ROBO2: variants seen among roughly 807,000 people sequenced by gnomAD.
ROBO2 encodes roundabout homolog 2.
In ROBO2, 53 loss-of-function variants were observed where a neutral mutation model predicts 160.8. The ratio of observed to expected loss-of-function variants is 0.33; its 90% CI spans 0.26 to 0.41. ROBO2 has a LOEUF of 0.41. ROBO2 is among the 10% of genes least tolerant of loss of function. The pLI, the probability that ROBO2 is intolerant of heterozygous loss-of-function variation, is 1.00. For missense variants in ROBO2, 1,577 were observed against 1,722.4 expected, an observed-to-expected ratio of 0.92 and a Z score of 1.49; for synonymous variants, 664 against 611.7, an observed-to-expected ratio of 1.09 and a Z score of -1.26.
intron 2 of ROBO2, among the ~76,000 whole-genome samples, chr3:76,870,519 A>G (rs1356342707): frequency 6.6e-6 from 1 of 152,232 alleles, no homozygotes. Flanking sequence ...TGTGAGGATT[A>G]TCTCTGGCTA....
rs139842195 is a variant in ROBO2 at position 77,412,461 on chromosome 3, G to A, written c.389-64953G>A. 2.0e-4 allele frequency among the ~76,000 whole-genome samples: 31 copies of A among 152,346 alleles called. 2 individuals are homozygous for A. In the East Asian group the frequency reaches 5.8e-3, roughly 28 times the overall value. ...AAAAGAAAGACTCTAGAGCCCCTCT[G>A]TCCTCAAGATCTACTGAAGGCACTG... On this transcript the variant is annotated intron_variant, in intron 2 of 25. Transcript: ENST00000461745.
At chr3:77,171,322 T>C (rs1191744431) in intron 2 of ROBO2, among the ~76,000 whole-genome samples, 1 of 152,196 alleles carries the variant, frequency 6.6e-6, no homozygotes, top group African/African-American at 2.4e-5. Context: ...CAAGGCACAT[T>C]AGCTTTACCA....
chr3:77,377,938 T>G (rs1194533725), intron 2 of ROBO2, among the ~76,000 whole-genome samples: 1 of 152,020 alleles, frequency 6.6e-6, no homozygotes, highest in Non-Finnish European at 1.5e-5. Flanking sequence ...ATGCCAGAGG[T>G]GAGGGATAAT....
chr3:77,644,887 A>G (rs1427541042), exon 25 of ROBO2: 8 of 1,614,112 alleles, frequency 5.0e-6, no homozygotes, highest in East Asian at 2.2e-5. Flanking sequence ...AGTCAAGGAC[A>G]GTTTACAGGT....
intron 2 of ROBO2, among the ~76,000 whole-genome samples, chr3:76,382,280 C>A (rs1480792456): frequency 6.6e-6 from 1 of 152,142 alleles, no homozygotes; most frequent in Non-Finnish European, 1.5e-5. Flanking sequence ...GAGACAGTTA[C>A]AGCATTTTTA....
intron 2 of ROBO2, among the ~76,000 whole-genome samples, chr3:76,242,118 C>T (rs755134571): frequency 8.5e-5 from 13 of 152,080 alleles, no homozygotes; most frequent in Non-Finnish European, 1.3e-4. Flanking sequence ...CTTTATTAAG[C>T]GGTCAAATAA....
At chr3:76,445,459 T>C (rs2077130878) in intron 2 of ROBO2, among the ~76,000 whole-genome samples, 1 of 152,168 alleles carries the variant, frequency 6.6e-6, no homozygotes, top group Non-Finnish European at 1.5e-5. Context: ...CTTCAAAATA[T>C]TCTCCGTGGA....
chr3:75,990,305 G>A (rs2065530609), intron 2 of ROBO2, among the ~76,000 whole-genome samples: 1 of 152,156 alleles, frequency 6.6e-6, no homozygotes, highest in South Asian at 2.1e-4. Context: ...AATCATAGAG[G>A]TTAGACTTCA....
chr3:77,065,426 T>C (rs116772785), intron 1 of ROBO2, among the ~76,000 whole-genome samples: 101 of 152,306 alleles, frequency 6.6e-4, no homozygotes, highest in African/African-American at 2.3e-3. Context: ...TGTTTCTCTT[T>C]GTATTTTTTG....
intron 8 of ROBO2, among the ~76,000 whole-genome samples, chr3:77,551,331 A>G (rs566414703): frequency 6.6e-6 from 1 of 152,176 alleles, no homozygotes; most frequent in Admixed American, 6.6e-5. Context: ...AGACATTAAT[A>G]ATTTTATTTC....
intron 2 of ROBO2, among the ~76,000 whole-genome samples, chr3:77,203,839 G>A (rs1012857008): frequency 6.6e-6 from 1 of 152,164 alleles, no homozygotes; most frequent in Non-Finnish European, 1.5e-5. Context: ...TTGCAGATAA[G>A]CAAACTGAAG....
At chr3:77,119,679 G>A (rs1329373104) in intron 2 of ROBO2, among the ~76,000 whole-genome samples, 1 of 152,128 alleles carries the variant, frequency 6.6e-6, no homozygotes, top group Non-Finnish European at 1.5e-5. Context: ...ATGAAAGTAC[G>A]TCACAAACTA....
At chr3:75,923,116 A>G (rs6549822) in intron 1 of ROBO2, among the ~76,000 whole-genome samples, 134,040 of 152,264 alleles carry the variant, frequency 0.88, 59,078 homozygotes, top group East Asian at 0.93. Flanking sequence ...AGTAGTTCCT[A>G]TGGCCTTATC....
rs576663432 is a variant in ROBO2, at chr3:77,337,078, T to C, written c.389-140336T>C. On this transcript the variant is annotated intron_variant, in intron 2 of 25. Transcript: ENST00000461745. ...TTCATTGCAATTTTTATAGGACAGATGATGTAAAGGGTTGGTTTTCTGTTA... is the reference window on the plus strand; with the variant it reads ...TTCATTGCAATTTTTATAGGACAGACGATGTAAAGGGTTGGTTTTCTGTTA... Among the ~76,000 whole-genome samples, 10 of 152,272 alleles carry C rather than the reference T, an allele frequency of 6.6e-5. No individual in the cohort carries two copies. In the East Asian group the frequency reaches 1.5e-3, roughly 24 times the overall value.
At chr3:76,881,867 G>T (rs2073367481) in intron 2 of ROBO2, among the ~76,000 whole-genome samples, 2 of 152,170 alleles carry the variant, frequency 1.3e-5, no homozygotes, top group Non-Finnish European at 2.9e-5. Flanking sequence ...TGGCTTTCAT[G>T]CCTTCCCTTG....
chr3:77,427,473 G>T (rs1234328893), intron 2 of ROBO2, among the ~76,000 whole-genome samples: 1 of 152,126 alleles, frequency 6.6e-6, no homozygotes, highest in Non-Finnish European at 1.5e-5. Flanking sequence ...GTACACCTAG[G>T]ATTTGAACTC....
intron 2 of ROBO2, among the ~76,000 whole-genome samples, chr3:76,782,935 C>G (rs1269500694): frequency 6.6e-6 from 1 of 150,450 alleles, no homozygotes; most frequent in Non-Finnish European, 1.5e-5. Context: ...TTCTTTTTTA[C>G]AATTTTGTAG....
chr3:76,396,116 C>T (rs1406761857), intron 2 of ROBO2, among the ~76,000 whole-genome samples: 4 of 152,080 alleles, frequency 2.6e-5, no homozygotes, highest in African/African-American at 4.8e-5. Context: ...TCAAAAAGCT[C>T]ATCCACCATG....
Position 77,573,893 on chromosome 3 carries a change from A to G in ROBO2, c.1972-606A>G, listed in dbSNP as rs186164533. ...ACTTGACCATGGTTCAGTCATTATT[A>G]GACCACTCCTACCTTCTACCTGGAC... On this transcript the variant is annotated intron_variant, in intron 13 of 25. Transcript: ENST00000461745. Among the ~76,000 whole-genome samples the G allele has an allele frequency of 1.1e-4, 16 of 151,854 alleles. No individual in the cohort carries two copies. In the East Asian group the frequency reaches 3.1e-3, roughly 30 times the overall value.
Sources: gnomAD v4.1 joint callset for allele counts (sites outside exome capture counted in the v4.1 genomes callset) on GRCh38, gnomAD v4.1.1 for gene constraint, MANE v1.5 for transcripts, NCBI Gene and HGNC (gene_info 2026-07-23, HGNC 2026-07-21) for gene names.